The following IQGAP3 variants were observed in gnomAD, a reference collection of about 807,000 sequenced individuals.
IQGAP3 encodes the protein ras GTPase-activating-like protein IQGAP3.
In IQGAP3, 165 loss-of-function variants were observed where a neutral mutation model predicts 208.2. The ratio of observed to expected loss-of-function variants is 0.79; its 90% CI spans 0.70 to 0.90. The LOEUF (loss-of-function observed/expected upper bound fraction) is 0.90. Among genes scored for constraint, IQGAP3 ranks in the 40% least tolerant of loss-of-function variants. The pLI is 0.00. For missense variants in IQGAP3, 1,811 were observed against 2,043.1 expected (o/e 0.89, Z 2.19); for synonymous variants, 703 against 803.6 (o/e 0.87, Z 2.12).
chr1:156,551,543 G>A (rs918732677), intron 15 of IQGAP3, among the ~76,000 whole-genome samples, 162 bp downstream of exon 15: 5 of 152,114 alleles, frequency 3.3e-5, no homozygotes, highest in Admixed American at 3.3e-4. Flanking sequence ...CACTGCCCTG[G>A]CAACAGGGCC....
intron 23 of IQGAP3, 142 bp from the exon 24 acceptor site, chr1:156,540,132 C>T (rs764850623): frequency 1.1e-6 from 1 of 896,142 alleles, no homozygotes. Context: ...AGAAGCAGTT[C>T]TAGGGTGAGG....
rs1675702379 is a variant in IQGAP3, at chr1:156,554,140, C to T, written c.1448+95G>A. 3 of 1,434,866 alleles carry T rather than the reference C, an allele frequency of 2.1e-6. No individual in the cohort carries two copies. In the South Asian group the frequency reaches 4.2e-5, roughly 20 times the overall value. The allele number at this position is 1,434,866 out of a possible 1,614,324, so 88.9% of individuals were successfully genotyped here. A position where few individuals can be genotyped will look rare whatever the true frequency, so the allele number is the denominator to read the frequency against. The stretch of plus-strand genomic sequence containing the variant: ...GGTGGGCCTGGGCCCAAGAATGGGA[C>T]ATCGTACACAAGGCAAGTCTCCAAC... On this transcript the variant is annotated intron_variant, in intron 13 of 37. Coordinates refer to ENST00000361170, the MANE Select transcript of IQGAP3 (RefSeq NM_178229.5).
At chr1:156,549,008 G>C (rs1450160674) in intron 16 of IQGAP3, among the ~76,000 whole-genome samples, 1 of 152,196 alleles carries the variant, frequency 6.6e-6, no homozygotes, top group Non-Finnish European at 1.5e-5. Flanking sequence ...GTTGGGGCTT[G>C]ATAAAAGGAA....
chr1:156,548,771 G>C, intron 16 of IQGAP3, 23 bp from the exon 17 acceptor site: 1 of 1,534,822 alleles, frequency 6.5e-7, no homozygotes, highest in Non-Finnish European at 8.8e-7. Flanking sequence ...TCAGGAGAGA[G>C]CAGTCAATCC....
intron 35 of IQGAP3, 125 bp from the exon 36 acceptor site, chr1:156,528,735 A>G (rs888721775): frequency 2.9e-6 from 3 of 1,025,266 alleles, no homozygotes; most frequent in African/African-American, 3.2e-5. Context: ...AAGACAGAGG[A>G]GGGGGGCTGC....
chr1:156,554,459 C>T, intron 12 of IQGAP3, 67 bp from the exon 13 acceptor site: 2 of 1,458,392 alleles, frequency 1.4e-6, no homozygotes, highest in Non-Finnish European at 1.8e-6. Context: ...ATTCACCATC[C>T]TGCCCCCAAG....
chr1:156,564,753 A>AG (rs1281866235), intron 4 of IQGAP3, 62 bp from the exon 5 acceptor site: 9 of 1,168,628 alleles, frequency 7.7e-6, no homozygotes, highest in Admixed American at 1.7e-5. Flanking sequence ...AAATGCGGAG[A>AG]GGGGGTGCCG....
chr1:156,552,512 G>A (rs184813365), intron 13 of IQGAP3, among the ~76,000 whole-genome samples: 1 of 152,232 alleles, frequency 6.6e-6, no homozygotes, highest in East Asian at 1.9e-4. Context: ...ATGTCCCACC[G>A]TCTCTCCCAT....
At position 156,533,763 on chromosome 1, in the gene IQGAP3, G is replaced by C. The variant is rs1265082396; in HGVS notation, c.3976+10C>G. On this transcript the variant is annotated intron_variant, in intron 31 of 37. Coordinates refer to ENST00000361170, the MANE Select transcript of IQGAP3 (RefSeq NM_178229.5). ...CCTAGCTGGCCTCAGCTGCTAAGGA[G>C]GGCACGTACCAATAAGGTCAGGGAT... The C allele has an allele frequency of 6.2e-7, 1 of 1,610,344 alleles. No homozygotes were observed. The highest frequency in any genetic ancestry group is 8.5e-7 in the Non-Finnish European group (1 of 1,177,722).
intron 20 of IQGAP3, 68 bp downstream of exon 20, chr1:156,544,321 C>T: frequency 1.3e-6 from 2 of 1,562,260 alleles, no homozygotes; most frequent in Admixed American, 3.3e-5. Flanking sequence ...AAGAAGGTGA[C>T]AAGACTACAA....
At chr1:156,554,446 C>A in intron 12 of IQGAP3, 54 bp from the exon 13 acceptor site, 1 of 1,497,596 alleles carries the variant, frequency 6.7e-7, no homozygotes, top group Non-Finnish European at 8.9e-7. Context: ...GGTCTAAAGG[C>A]CTATTCACCA....
At chr1:156,564,569 G>T (rs552584881) in intron 5 of IQGAP3, 46 bp downstream of exon 5, 1 of 1,240,234 alleles carries the variant, frequency 8.1e-7, no homozygotes, top group Non-Finnish European at 1.2e-6. Context: ...ATTGTTGGTC[G>T]CATCCACCTA....
intron 19 of IQGAP3, among the ~76,000 whole-genome samples, chr1:156,547,419 A>G (rs1320398098): frequency 6.6e-6 from 1 of 151,490 alleles, no homozygotes; most frequent in South Asian, 2.1e-4. Flanking sequence ...ACACACACAC[A>G]CACACAGACA....
chr1:156,561,080 A>C, intron 10 of IQGAP3, 59 bp from the exon 11 acceptor site: 1 of 1,269,168 alleles, frequency 7.9e-7, no homozygotes, highest in South Asian at 1.2e-5. Context: ...ACCATGCTTT[A>C]CGAGTTGCCA....
intron 15 of IQGAP3, 86 bp from the exon 16 acceptor site, chr1:156,550,437 T>A: frequency 1.1e-6 from 1 of 939,336 alleles, no homozygotes; most frequent in African/African-American, 1.6e-5. Flanking sequence ...GGAACCAAAC[T>A]GCAGGCAGGC....
chr1:156,551,591 C>T (rs1033522198), intron 15 of IQGAP3, 114 bp downstream of exon 15: 4 of 1,136,044 alleles, frequency 3.5e-6, no homozygotes, highest in Admixed American at 2.9e-5. Flanking sequence ...CCCTCACCCC[C>T]ACCCAGAAGC....
chr1:156,544,124 T>C (rs763339746), intron 21 of IQGAP3, 28 bp downstream of exon 21: 20 of 1,613,672 alleles, frequency 1.2e-5, no homozygotes, highest in Middle Eastern at 3.3e-4. Flanking sequence ...GTTGGGTATG[T>C]GGGCAGGGGG....
At position 156,525,958 on chromosome 1, in the gene IQGAP3, T is replaced by C; in HGVS notation, c.*528A>G. The C allele has an allele frequency of 6.3e-6, 1 of 158,016 alleles. No individual in the cohort carries two copies. The highest frequency in any genetic ancestry group is 1.4e-5 in the Non-Finnish European group (1 of 70,810). The allele number at this position is 158,016 out of a possible 1,614,324, so 9.8% of individuals were successfully genotyped here. A position where few individuals can be genotyped will look rare whatever the true frequency, so the allele number is the denominator to read the frequency against. Reference sequence around the variant, plus strand: ...CACATGGGCACTAACACACACTGCATCCCCCCAGTCCCTGCCCAGGTTGGA... The same window carrying C: ...CACATGGGCACTAACACACACTGCACCCCCCCAGTCCCTGCCCAGGTTGGA... On this transcript the variant is annotated 3_prime_UTR_variant, in exon 38 of 38. Coordinates refer to ENST00000361170, the MANE Select transcript of IQGAP3 (RefSeq NM_178229.5).
At chr1:156,529,131 G>A in intron 34 of IQGAP3, 49 bp from the exon 35 acceptor site, 2 of 1,596,702 alleles carry the variant, frequency 1.3e-6, no homozygotes, top group South Asian at 2.2e-5. Context: ...CCTGGCAGGA[G>A]AGCCTTAGGG....
Sources: allele counts gnomAD v4.1 joint callset (sites outside exome capture counted in the v4.1 genomes callset), GRCh38; gene constraint gnomAD v4.1.1; transcripts MANE v1.5; gene names NCBI Gene and HGNC (gene_info 2026-07-23, HGNC 2026-07-21).